The following GEMIN4 variants were observed in gnomAD, a reference collection of about 807,000 sequenced individuals.
GEMIN4 encodes gem nuclear organelle associated protein 4, also known as gem-associated protein 4.
Under a neutral mutation model 76.8 loss-of-function variants are expected in GEMIN4, and 59 were observed. That is an observed-to-expected ratio of 0.77 (90% CI 0.62 to 0.95). The LOEUF (loss-of-function observed/expected upper bound fraction) is 0.95, where lower values mean the gene tolerates loss of function less well. GEMIN4 is among the 40% of genes least tolerant of loss of function. The pLI is 0.00. For synonymous variants in GEMIN4, 562 were observed against 559.7 expected (o/e 1.00, Z -0.06); for missense variants, 1,311 against 1,318.9 (o/e 0.99, Z 0.09).
Position 752,259 on chromosome 17 carries a change from C to G in GEMIN4, c.-117G>C. 1.6e-6 allele frequency: 2 copies of G among 1,227,322 alleles called. No individual in the cohort carries two copies. Among genetic ancestry groups the G allele is most frequent in the Non-Finnish European group, 2.0e-6 (2 of 984,978 alleles). 76.0% of individuals were successfully genotyped at this position (1,227,322 alleles called of 1,614,324 possible). On this transcript the variant is annotated 5_prime_UTR_variant, in exon 1 of 2. Transcript: ENST00000319004. ...AGGAGCCACGGCGGCCGCGCTTAGG[C>G]CTGCTCACAACCTCCGCCCGGCCCC...
Position 746,220 on chromosome 17 carries a change from T to C in GEMIN4, c.1823A>G (p.Lys608Arg), listed in dbSNP as rs1360307727. The change falls in exon 2 of 2, where the codon AAA becomes AGA. Residue 608 changes from lysine (K) to arginine (R), a missense_variant. Lys to Arg is a conservative substitution (Grantham distance 26). Transcript: ENST00000319004. This position sits in a 1 kb window ranked among gnomAD's most constrained non-coding sequence, Gnocchi z 4.3. Reference protein sequence around the residue: ...SSATFMVSCLKETVWMKFSTP... With the variant: ...SSATFMVSCLRETVWMKFSTP... ...AGAGAACTTCATCCAGACGGTTTCT[T>C]TGAGGCATGACACCATGAAAGTGGC... 1.9e-6 allele frequency: 3 copies of C among 1,613,770 alleles called. No individual in the cohort carries two copies. Among genetic ancestry groups the C allele is most frequent in the Non-Finnish European group, 2.5e-6 (3 of 1,179,886 alleles).
upstream of GEMIN4, chr17:752,403 C>G: frequency 1.4e-6 from 1 of 711,304 alleles, no homozygotes; most frequent in Non-Finnish European, 1.9e-6. Context: ...GCTCACTAGA[C>G]CCCTCCGCAC....
chr17:748,225 C>T (rs77284871), intron 1 of GEMIN4, 193 bp from the exon 2 acceptor site: 35 of 569,632 alleles, frequency 6.1e-5, no homozygotes, highest in East Asian at 4.3e-4. Flanking sequence ...GAATGGCTTC[C>T]GAGCTCTCCA....
chr17:748,811 C>T (rs1280615898), intron 1 of GEMIN4: 2 of 198,840 alleles, frequency 1.0e-5, no homozygotes, highest in Non-Finnish European at 1.9e-5. Context: ...GCAGCAATCA[C>T]ACAGCCACAG....
chr17:744,851 G>A lies in GEMIN4; in HGVS notation c.*15C>T. 3 of 1,597,232 alleles carry A rather than the reference G, an allele frequency of 1.9e-6. No homozygotes were observed. The highest frequency in any genetic ancestry group is 2.6e-6 in the Non-Finnish European group (3 of 1,172,318). ...TGCAGACCCGCCATGTTGGGGCCCA[G>A]CTCCCCACGCCAAGTCAGAAGCTGC... On this transcript the variant is annotated 3_prime_UTR_variant, in exon 2 of 2. Transcript: ENST00000319004.
upstream of GEMIN4, chr17:753,584 C>T (rs141953027): frequency 2.6e-5 from 4 of 154,238 alleles, no homozygotes; most frequent in African/African-American, 9.6e-5. Flanking sequence ...TTAGCCGAGA[C>T]ATCAATAAAT....
chr17:749,781 G>A, intron 1 of GEMIN4: 1 of 988,650 alleles, frequency 1.0e-6, no homozygotes, highest in Non-Finnish European at 1.2e-6. Flanking sequence ...GAAGGAATCA[G>A]ACAAGCCCTG....
Position 744,856 on chromosome 17 carries a change from C to A in GEMIN4, c.*10G>T. 6.2e-7 allele frequency: 1 copy of A among 1,601,368 alleles called. No homozygotes were observed. Among genetic ancestry groups the A allele is most frequent in the Non-Finnish European group, 8.5e-7 (1 of 1,173,994 alleles). The stretch of plus-strand genomic sequence containing the variant: ...ACCCGCCATGTTGGGGCCCAGCTCC[C>A]CACGCCAAGTCAGAAGCTGCTCATC... On this transcript the variant is annotated 3_prime_UTR_variant, in exon 2 of 2. Coordinates refer to ENST00000319004, the MANE Select transcript of GEMIN4 (RefSeq NM_015721.3).
At chr17:752,336 C>G, upstream of GEMIN4, 5 of 1,194,336 alleles carry the variant, frequency 4.2e-6, no homozygotes, top group Non-Finnish European at 5.2e-6. Flanking sequence ...GCGCGCCAAG[C>G]GCACAGCGCC....
At chr17:752,082 T>G in intron 1 of GEMIN4, 51 bp downstream of exon 1, 1 of 1,183,588 alleles carries the variant, frequency 8.4e-7, no homozygotes, top group Non-Finnish European at 1.1e-6. Context: ...AGCACCGCTC[T>G]GGTGGCGCAT....
chr17:746,208 C>A lies in GEMIN4; in HGVS notation c.1835G>T (p.Trp612Leu). The A allele has an allele frequency of 6.2e-7, 1 of 1,613,820 alleles. No homozygotes were observed. Among genetic ancestry groups the A allele is most frequent in the Non-Finnish European group, 8.5e-7 (1 of 1,179,888 alleles). The change falls in exon 2 of 2, where the codon TGG (tryptophan) becomes TTG (leucine). Residue 612 changes from tryptophan to leucine, a missense_variant. Transcript: ENST00000319004. The surrounding 1 kb of genome is among the most constrained non-coding windows in gnomAD (Gnocchi z 4.3). ...FMVSCLKETV[W>L]MKFSTPKEEK... The stretch of plus-strand genomic sequence containing the variant: ...TTCCTTGGGTGTAGAGAACTTCATC[C>A]AGACGGTTTCTTTGAGGCATGACAC...
rs745658514 is a variant in GEMIN4 at position 747,240 on chromosome 17, T to C, written c.803A>G (p.Lys268Arg). 3.8e-5 allele frequency: 62 copies of C among 1,613,662 alleles called. No homozygotes were observed. The Middle Eastern group carries it at 8.2e-4, about 21-fold the overall frequency. ...CCACACAGAGATCACCGTGGCCAGT[T>C]TGTCCAGATACACGGTTGCAGACAC... Reference protein sequence around the residue: ...QEVSATVYLDKLATVISVWNS... With the variant: ...QEVSATVYLDRLATVISVWNS... Residue 268 changes from lysine to arginine, a missense_variant, in exon 2 of 2, where the codon AAA becomes AGA. By Grantham distance (26) the Lys-to-Arg change is conservative. Transcript: ENST00000319004.
rs897661607 is a variant in GEMIN4 at position 752,203 on chromosome 17, G to T, written c.-61C>A. On this transcript the variant is annotated 5_prime_UTR_variant, in exon 1 of 2. Coordinates refer to ENST00000319004, the MANE Select transcript of GEMIN4 (RefSeq NM_015721.3). ...CCCTCCCCTCCGAGAACTCGAACGC[G>T]GCGCGGGACGCACGGCACGATGGGA... 1.6e-4 allele frequency: 200 copies of T among 1,230,996 alleles called. 1 individual carries two copies. In the African/African-American group the frequency reaches 2.8e-3, roughly 17 times the overall value. 76.3% of individuals were successfully genotyped at this position (1,230,996 alleles called of 1,614,324 possible).
In GEMIN4 at chr17:746,959, A is replaced by G. The variant is rs369301390; in HGVS notation, c.1084T>C (p.Tyr362His). 3.1e-6 allele frequency: 5 copies of G among 1,612,942 alleles called. No homozygotes were observed. The highest frequency in any genetic ancestry group is 3.4e-6 in the Non-Finnish European group (4 of 1,179,552). ...LTSFSQNATL[Y>H]LNRTSLSKED... The stretch of plus-strand genomic sequence containing the variant: ...TTGGACAGGCTGGTGCGGTTCAGGT[A>G]GAGCGTCGCGTTCTGGCTGAAGGAA... The change falls in exon 2 of 2, where the codon TAC becomes CAC. Residue 362 changes from tyrosine (Y) to histidine (H), a missense_variant. By Grantham distance (83) the Tyr-to-His change is moderately conservative. This residue lies in a region of GEMIN4 where 1,208 missense variants were observed against 1,166.9 expected (regional missense o/e 1.04). Transcript: ENST00000319004. This position sits in a 1 kb window ranked among gnomAD's most constrained non-coding sequence, Gnocchi z 4.3.
chr17:752,511 C>T (rs1904799315), upstream of GEMIN4: 1 of 441,554 alleles, frequency 2.3e-6, no homozygotes, highest in Non-Finnish European at 3.4e-6. Context: ...GGGCGTGCCC[C>T]GCACACAGTT....
At position 747,476 on chromosome 17, in the gene GEMIN4, G is replaced by C; in HGVS notation, c.567C>G (p.Tyr189Ter). The part of the protein sequence containing the change: ...LSQFSAMAHK[Y>*]LPALDEFPHP... ...GGGGGAACTCATCTAAGGCAGGCAG[G>C]TACTTATGGGCCATTGCACTAAACT... Residue 189 changes from tyrosine to a stop codon, truncating the protein, a stop_gained, in exon 2 of 2, where the codon TAC becomes TAG. Coordinates refer to ENST00000319004, the MANE Select transcript of GEMIN4 (RefSeq NM_015721.3). LOFTEE classifies it high-confidence loss of function. 6.2e-7 allele frequency: 1 copy of C among 1,613,858 alleles called. No homozygotes were observed.
chr17:745,832 A>G lies in GEMIN4; in HGVS notation c.2211T>C (p.Cys737=), dbSNP rs759995757. The G allele has an allele frequency of 6.2e-7, 1 of 1,613,104 alleles. No homozygotes were observed. Among genetic ancestry groups the G allele is most frequent in the Non-Finnish European group, 8.5e-7 (1 of 1,179,834 alleles). Residue 737 remains cysteine (C), a synonymous_variant, in exon 2 of 2, where the codon TGT becomes TGC. Coordinates refer to ENST00000319004, the MANE Select transcript of GEMIN4 (RefSeq NM_015721.3). The surrounding 1 kb of genome is among the most constrained non-coding windows in gnomAD (Gnocchi z 4.6). ...DLAIHILELL[C]EIVSANAETF... ...TCTCAGCATTGGCTGATACAATCTC[A>G]CACAGGAGCTCCAGGATATGGATCG...
chr17:752,019 G>C, intron 1 of GEMIN4, 114 bp downstream of exon 1: 1 of 757,108 alleles, frequency 1.3e-6, no homozygotes, highest in Non-Finnish European at 1.8e-6. Flanking sequence ...CGCGGGGGAC[G>C]TTTCGGTCCG....
chr17:745,419 A>G lies in GEMIN4; in HGVS notation c.2624T>C (p.Leu875Pro). The stretch of plus-strand genomic sequence containing the variant: ...CTGCTTCTCCAGCAGTCTCCTGGTC[A>G]GCTGGTGAAGGCGCTGCCACTCCTG... ...SPQEWQRLHQ[L>P]TRRLLEKQLL... The change falls in exon 2 of 2, where the codon CTG becomes CCG. Residue 875 changes from leucine to proline, a missense_variant. This residue lies in a region of GEMIN4 where 1,208 missense variants were observed against 1,166.9 expected (regional missense o/e 1.04). Transcript: ENST00000319004. This position sits in a 1 kb window ranked among gnomAD's most constrained non-coding sequence, Gnocchi z 4.6. 6.2e-7 allele frequency: 1 copy of G among 1,612,908 alleles called. No homozygotes were observed. The highest frequency in any genetic ancestry group is 8.5e-7 in the Non-Finnish European group (1 of 1,179,734).
Sources: gnomAD v4.1 joint callset for allele counts on GRCh38, gnomAD v4.1.1 for gene constraint, gnomAD v4.1.1 regional missense constraint, Gnocchi (gnomAD v3.1) non-coding constraint, MANE v1.5 for transcripts, NCBI Gene and HGNC (gene_info 2026-07-23, HGNC 2026-07-21) for gene names.